SHC3: variants seen among roughly 807,000 people sequenced by gnomAD.
SHC3 encodes the protein SHC-transforming protein 3.
Under a neutral mutation model 60.4 loss-of-function variants are expected in SHC3, and 15 were observed. The ratio of observed to expected loss-of-function variants is 0.25; its 90% CI spans 0.17 to 0.38. The LOEUF (loss-of-function observed/expected upper bound fraction) is 0.38, where lower values mean the gene tolerates loss of function less well. SHC3 is among the 10% of genes least tolerant of loss of function. The pLI is 1.00. For missense variants in SHC3, 677 were observed against 786.1 expected (o/e 0.86, Z 1.66); for synonymous variants, 294 against 325.9 (o/e 0.90, Z 1.05).
chr9:89,062,178 C>T (rs1825101738), intron 6 of SHC3, among the ~76,000 whole-genome samples: 1 of 152,126 alleles, frequency 6.6e-6, no homozygotes, highest in Non-Finnish European at 1.5e-5. Flanking sequence ...CATAAGGTTG[C>T]AGGGCATGGG....
chr9:89,037,971 C>T (rs768780156), intron 11 of SHC3, 22 bp downstream of exon 11: 1 of 1,601,368 alleles, frequency 6.2e-7, no homozygotes, highest in Non-Finnish European at 8.5e-7. Context: ...CAGGTCCGGC[C>T]CCACCCCCAC....
chr9:89,119,448 T>C (rs917191531), intron 1 of SHC3, among the ~76,000 whole-genome samples: 1 of 151,828 alleles, frequency 6.6e-6, no homozygotes, highest in Non-Finnish European at 1.5e-5. Flanking sequence ...ACAAAGGAAA[T>C]ACTAGATATA....
chr9:89,062,587 G>A (rs1265345376), intron 6 of SHC3, among the ~76,000 whole-genome samples: 1 of 152,184 alleles, frequency 6.6e-6, no homozygotes, highest in Admixed American at 6.5e-5. Flanking sequence ...AACAGTAACA[G>A]CATCGAGGGA....
At chr9:89,106,323 A>G (rs1825858674) in intron 2 of SHC3, among the ~76,000 whole-genome samples, 1 of 152,238 alleles carries the variant, frequency 6.6e-6, no homozygotes, top group African/African-American at 2.4e-5. Context: ...TAATTTAGAG[A>G]GTCAGACATG....
At chr9:89,085,560 A>G (rs757468832) in intron 2 of SHC3, among the ~76,000 whole-genome samples, 2 of 152,246 alleles carry the variant, frequency 1.3e-5, no homozygotes, top group Non-Finnish European at 2.9e-5. Context: ...GGCCACTAAA[A>G]ATAGGCTGAG....
chr9:89,103,098 G>A lies in SHC3; in HGVS notation c.545+9458C>T, dbSNP rs181047300. On this transcript the variant is annotated intron_variant, in intron 2 of 11. Coordinates refer to ENST00000375835, the MANE Select transcript of SHC3 (RefSeq NM_016848.6). ...AAAGGTGTGCTGCAGCCAGGCAAGCGGAACTTAACGATGAATGCTAAGAAA... is the reference window on the plus strand; with the variant it reads ...AAAGGTGTGCTGCAGCCAGGCAAGCAGAACTTAACGATGAATGCTAAGAAA... 5.4e-4 allele frequency among the ~76,000 whole-genome samples: 82 copies of A among 152,238 alleles called. 1 individual carries two copies. In the East Asian group the frequency reaches 0.012, roughly 23 times the overall value.
At chr9:89,133,592 T>A (rs1471437028) in intron 1 of SHC3, among the ~76,000 whole-genome samples, 4 of 152,100 alleles carry the variant, frequency 2.6e-5, no homozygotes, top group African/African-American at 4.8e-5. Flanking sequence ...TAAAAAAGGA[T>A]GAGTTCATGT....
intron 6 of SHC3, among the ~76,000 whole-genome samples, chr9:89,053,464 C>T (rs1260734476): frequency 6.6e-6 from 1 of 152,222 alleles, no homozygotes; most frequent in Non-Finnish European, 1.5e-5. Flanking sequence ...AGCCTCTCAG[C>T]ATAATACGGC....
chr9:89,109,781 T>G (rs781055360), intron 2 of SHC3: 94 of 985,388 alleles, frequency 9.5e-5, no homozygotes, highest in Non-Finnish European at 1.1e-4. Flanking sequence ...TGTTTGCTCT[T>G]TTGTTCAGAC....
At chr9:89,072,286 C>T (rs536560935) in intron 4 of SHC3, among the ~76,000 whole-genome samples, 1 of 152,144 alleles carries the variant, frequency 6.6e-6, no homozygotes, top group Non-Finnish European at 1.5e-5. Flanking sequence ...AGGCCCACCC[C>T]GAGGCCAGGG....
intron 1 of SHC3, among the ~76,000 whole-genome samples, chr9:89,169,028 C>A (rs570944114): frequency 6.6e-6 from 1 of 152,294 alleles, no homozygotes; most frequent in South Asian, 2.1e-4. Context: ...TCTGGCCCAC[C>A]CTGCAGATCT....
intron 11 of SHC3, among the ~76,000 whole-genome samples, chr9:89,035,744 G>A (rs1480966384): frequency 1.3e-5 from 2 of 151,190 alleles, no homozygotes; most frequent in African/African-American, 4.9e-5. Flanking sequence ...ATCACCTGAG[G>A]TCAGGAGTTC....
chr9:89,058,152 C>T (rs934970304), intron 6 of SHC3, among the ~76,000 whole-genome samples: 1 of 152,072 alleles, frequency 6.6e-6, no homozygotes, highest in African/African-American at 2.4e-5. Flanking sequence ...TTTATTATAA[C>T]AGCCCTAGGA....
At chr9:89,102,566 T>C (rs1825798458) in intron 2 of SHC3, among the ~76,000 whole-genome samples, 1 of 152,238 alleles carries the variant, frequency 6.6e-6, no homozygotes, top group South Asian at 2.1e-4. Flanking sequence ...CTAAGTGATA[T>C]GAAAGCATTG....
At chr9:89,136,083 T>C (rs957764876) in intron 1 of SHC3, among the ~76,000 whole-genome samples, 3 of 152,094 alleles carry the variant, frequency 2.0e-5, no homozygotes, top group Non-Finnish European at 2.9e-5. Flanking sequence ...GCTTTCTGAC[T>C]GAGCTCCTCT....
chr9:89,043,239 G>A (rs1824716076), intron 9 of SHC3, among the ~76,000 whole-genome samples: 1 of 152,212 alleles, frequency 6.6e-6, no homozygotes, highest in Non-Finnish European at 1.5e-5. Flanking sequence ...CTGTAGGTGT[G>A]AGAATGAAGT....
chr9:89,128,860 C>T (rs533478830), intron 1 of SHC3, among the ~76,000 whole-genome samples: 21 of 152,290 alleles, frequency 1.4e-4, no homozygotes, highest in African/African-American at 3.4e-4. Flanking sequence ...TCCAAAGGAA[C>T]GCAGCTCCTC....
intron 6 of SHC3, among the ~76,000 whole-genome samples, chr9:89,052,500 AAGG>A (rs1183592260): frequency 6.6e-6 from 1 of 152,196 alleles, no homozygotes; most frequent in Non-Finnish European, 1.5e-5. Context: ...AATTGTTTAG[AAGG>A]AGACTTCAGC....
At chr9:89,177,884 G>T in intron 1 of SHC3, 103 bp downstream of exon 1, 2 of 1,130,066 alleles carry the variant, frequency 1.8e-6, no homozygotes, top group Non-Finnish European at 2.2e-6. Context: ...TAACGTGACA[G>T]TCGCGGGAGC....
Sources: allele counts gnomAD v4.1 joint callset (sites outside exome capture counted in the v4.1 genomes callset), GRCh38; gene constraint gnomAD v4.1.1; transcripts MANE v1.5; gene names NCBI Gene and HGNC (gene_info 2026-07-23, HGNC 2026-07-21).